The following PTPN1 variants were observed in gnomAD, a reference collection of about 807,000 sequenced individuals.
The protein encoded by PTPN1 is protein tyrosine phosphatase non-receptor type 1.
A neutral mutation model predicts 59.9 loss-of-function variants in PTPN1; 12 were observed. That is an observed-to-expected ratio of 0.20 (90% CI 0.13 to 0.32). The LOEUF is 0.32. Among genes scored for constraint, PTPN1 ranks in the 10% least tolerant of loss-of-function variants. PTPN1 has a pLI of 1.00. For missense variants in PTPN1, 356 were observed against 549.2 expected (o/e 0.65, Z 3.52); for synonymous variants, 178 against 203.6 (o/e 0.87, Z 1.07).
At chr20:50,515,506 G>A (rs1485972432) in intron 1 of PTPN1, among the ~76,000 whole-genome samples, 1 of 152,052 alleles carries the variant, frequency 6.6e-6, no homozygotes, top group Non-Finnish European at 1.5e-5. Context: ...TGCCCAGGCT[G>A]GTCTCAAACT....
At chr20:50,580,242 C>G (rs1300588216) in intron 8 of PTPN1, among the ~76,000 whole-genome samples, 1 of 152,198 alleles carries the variant, frequency 6.6e-6, no homozygotes, top group Non-Finnish European at 1.5e-5. Context: ...GCGCCCTCCC[C>G]CAGGTTTCCG....
intron 5 of PTPN1, among the ~76,000 whole-genome samples, chr20:50,577,009 G>A: frequency 6.6e-6 from 1 of 152,066 alleles, no homozygotes; most frequent in African/African-American, 2.4e-5. Flanking sequence ...TTTCTAGAGA[G>A]GAAAGAATGA....
intron 1 of PTPN1, among the ~76,000 whole-genome samples, chr20:50,526,285 T>C (rs956890576): frequency 6.6e-6 from 1 of 152,136 alleles, no homozygotes; most frequent in Non-Finnish European, 1.5e-5. Context: ...TTAACTATGT[T>C]GTCCAGGCTG....
At chr20:50,563,646 C>T (rs746885646) in intron 2 of PTPN1, among the ~76,000 whole-genome samples, 1 of 152,158 alleles carries the variant, frequency 6.6e-6, no homozygotes, top group Non-Finnish European at 1.5e-5. Context: ...TTTTCAAAGA[C>T]ATCTCTCTTT....
Position 50,582,799 on chromosome 20 carries a change from G to C in PTPN1, c.*84G>C. On this transcript the variant is annotated 3_prime_UTR_variant, in exon 10 of 10. Transcript: ENST00000371621. This position sits in a 1 kb window ranked among gnomAD's most constrained non-coding sequence, Gnocchi z 4.2. ...CCCGACTAGCAGGCATGCCGCGGTAGGTAAGGGCCGCCGGACCGCGTAGAG... is the reference window on the plus strand; with the variant it reads ...CCCGACTAGCAGGCATGCCGCGGTACGTAAGGGCCGCCGGACCGCGTAGAG... The C allele has an allele frequency of 1.3e-6, 2 of 1,558,996 alleles. No individual in the cohort carries two copies. The highest frequency in any genetic ancestry group is 1.4e-5 in the African/African-American group (1 of 73,998).
intron 1 of PTPN1, among the ~76,000 whole-genome samples, chr20:50,546,864 A>G (rs1432095923): frequency 1.3e-5 from 2 of 152,238 alleles, no homozygotes; most frequent in African/African-American, 2.4e-5. Flanking sequence ...ATGTCTGCCA[A>G]CTACATGTGT....
Position 50,583,454 on chromosome 20 carries a change from C to A in PTPN1, c.*739C>A, listed in dbSNP as rs566958866. 1 of 152,404 alleles carries A rather than the reference C, an allele frequency of 6.6e-6. No individual in the cohort carries two copies. The highest frequency in any genetic ancestry group is 1.9e-4 in the East Asian group (1 of 5,188). 9.4% of individuals were successfully genotyped at this position (152,404 alleles called of 1,614,324 possible). ...TCCCGCTTATTCTCCTCCCTGTTAT[C>A]TGCTAGATCTAGTTCTCAATCACTG... is the stretch of plus-strand genomic sequence containing the variant. On this transcript the variant is annotated 3_prime_UTR_variant, in exon 10 of 10. Coordinates refer to ENST00000371621, the MANE Select transcript of PTPN1 (RefSeq NM_002827.4).
intron 1 of PTPN1, among the ~76,000 whole-genome samples, chr20:50,552,121 A>G (rs947616341): frequency 6.6e-6 from 1 of 152,228 alleles, no homozygotes; most frequent in Non-Finnish European, 1.5e-5. Flanking sequence ...TGTAGAATAC[A>G]GAAATCTCGT....
chr20:50,570,120 C>T (rs1364740555), intron 4 of PTPN1, among the ~76,000 whole-genome samples: 2 of 152,190 alleles, frequency 1.3e-5, no homozygotes, highest in African/African-American at 2.4e-5. Flanking sequence ...CAGTCATGGC[C>T]CTAGAATGTA....
At chr20:50,529,533 A>G (rs1217739519) in intron 1 of PTPN1, among the ~76,000 whole-genome samples, 1 of 152,240 alleles carries the variant, frequency 6.6e-6, no homozygotes, top group Non-Finnish European at 1.5e-5. Flanking sequence ...ATCTTGCCAG[A>G]AAGTTTATAG....
At chr20:50,548,127 T>C (rs2082683984) in intron 1 of PTPN1, among the ~76,000 whole-genome samples, 2 of 152,228 alleles carry the variant, frequency 1.3e-5, no homozygotes, top group African/African-American at 2.4e-5. Context: ...CTGTCCCCCT[T>C]GCCTCTGAAC....
In PTPN1 at chr20:50,582,529, G is replaced by C. The variant is rs1376357483; in HGVS notation, c.1285-163G>C. Among the ~76,000 whole-genome samples the C allele has an allele frequency of 6.6e-6, 1 of 152,202 alleles. No homozygotes were observed. Among genetic ancestry groups the C allele is most frequent in the Non-Finnish European group, 1.5e-5 (1 of 68,034 alleles). On this transcript the variant is annotated intron_variant, in intron 9 of 9. Coordinates refer to ENST00000371621, the MANE Select transcript of PTPN1 (RefSeq NM_002827.4). The surrounding 1 kb of genome is among the most constrained non-coding windows in gnomAD (Gnocchi z 4.2). Reference sequence around the variant, plus strand: ...AAATGCAAACAATTTTTTCCTTGGGGATGATTTTTGGGGAGAGGGGGCTAC... The same window carrying C: ...AAATGCAAACAATTTTTTCCTTGGGCATGATTTTTGGGGAGAGGGGGCTAC...
chr20:50,576,124 T>C (rs1223279878), intron 5 of PTPN1, among the ~76,000 whole-genome samples: 1 of 152,182 alleles, frequency 6.6e-6, no homozygotes, highest in Non-Finnish European at 1.5e-5. Context: ...CAGAGGGTTC[T>C]GAGTACGGTG....
At position 50,510,402 on chromosome 20, in the gene PTPN1, T is replaced by G. The variant is rs1333910004; in HGVS notation, c.-126T>G. 9.9e-7 allele frequency: 1 copy of G among 1,010,070 alleles called. No homozygotes were observed. Among genetic ancestry groups the G allele is most frequent in the Admixed American group, 2.9e-5 (1 of 34,388 alleles). The allele number at this position is 1,010,070 out of a possible 1,614,324, so 62.6% of individuals were successfully genotyped here. A position where few individuals can be genotyped will look rare whatever the true frequency, so the allele number is the denominator to read the frequency against. Reference sequence around the variant, plus strand: ...GTTGACATGAAGAAGCAGCAGCGGCTAGGGCGGCGGTAGCTGCAGGGGTCG... The same window carrying G: ...GTTGACATGAAGAAGCAGCAGCGGCGAGGGCGGCGGTAGCTGCAGGGGTCG... On this transcript the variant is annotated 5_prime_UTR_variant, in exon 1 of 10. Coordinates refer to ENST00000371621, the MANE Select transcript of PTPN1 (RefSeq NM_002827.4).
intron 3 of PTPN1, among the ~76,000 whole-genome samples, chr20:50,566,091 T>G (rs556291137): frequency 6.6e-6 from 1 of 152,280 alleles, no homozygotes; most frequent in East Asian, 1.9e-4. Flanking sequence ...TTGAGTAAGT[T>G]CTTGGTGCAT....
At position 50,570,178 on chromosome 20, in the gene PTPN1, T is replaced by G. The variant is rs1275720632; in HGVS notation, c.354+1700T>G. 6.6e-5 allele frequency among the ~76,000 whole-genome samples: 10 copies of G among 152,322 alleles called. No homozygotes were observed. In the East Asian group the frequency reaches 1.7e-3, roughly 26 times the overall value. Reference sequence around the variant, plus strand: ...AACACATCAAAGGAAACTTCAGCAGTGAAAACTTGAAGCATTAACCACGAA... The same window carrying G: ...AACACATCAAAGGAAACTTCAGCAGGGAAAACTTGAAGCATTAACCACGAA... On this transcript the variant is annotated intron_variant, in intron 4 of 9. Coordinates refer to ENST00000371621, the MANE Select transcript of PTPN1 (RefSeq NM_002827.4).
At chr20:50,545,581 C>T (rs922547096) in intron 1 of PTPN1, among the ~76,000 whole-genome samples, 8 of 152,200 alleles carry the variant, frequency 5.3e-5, no homozygotes, top group African/African-American at 1.4e-4. Context: ...GTATGATGCA[C>T]GTGGTTTTAC....
chr20:50,529,901 G>A (rs377443265), intron 1 of PTPN1, among the ~76,000 whole-genome samples: 1 of 152,108 alleles, frequency 6.6e-6, no homozygotes, highest in East Asian at 1.9e-4. Flanking sequence ...TTGAGACAGA[G>A]TCTTGCTCTG....
chr20:50,531,830 T>A (rs931597346), intron 1 of PTPN1, among the ~76,000 whole-genome samples: 3 of 152,322 alleles, frequency 2.0e-5, no homozygotes, highest in East Asian at 1.9e-4. Context: ...CCTGCTTCTC[T>A]CCTTACCATC....
Sources: gnomAD v4.1 joint callset for allele counts (sites outside exome capture counted in the v4.1 genomes callset) on GRCh38, gnomAD v4.1.1 for gene constraint, Gnocchi (gnomAD v3.1) non-coding constraint, MANE v1.5 for transcripts, NCBI Gene and HGNC (gene_info 2026-07-23, HGNC 2026-07-21) for gene names.